The following NTRK2 variants were observed in gnomAD, a reference collection of about 807,000 sequenced individuals.
NTRK2 encodes neurotrophic receptor tyrosine kinase 2.
Under a neutral mutation model 94.5 loss-of-function variants are expected in NTRK2, and 13 were observed. The ratio of observed to expected loss-of-function variants is 0.14; its 90% CI spans 0.09 to 0.22. The LOEUF is 0.22. NTRK2 is among the 10% of genes least tolerant of loss of function. The probability of loss-of-function intolerance (pLI) is 1.00; values close to 1 mark genes in which losing one functional copy is unlikely to be tolerated. For missense variants in NTRK2, 639 were observed against 1,071.2 expected (o/e 0.60, Z 5.63); for synonymous variants, 372 against 407.4 (o/e 0.91, Z 1.05).
At chr9:84,937,775 G>T (rs757250824) in intron 15 of NTRK2, among the ~76,000 whole-genome samples, 1 of 152,176 alleles carries the variant, frequency 6.6e-6, no homozygotes, top group Admixed American at 6.5e-5. Flanking sequence ...CCAAGGAAAC[G>T]CTTCATCGCA....
chr9:84,950,778 T>C (rs968066930), intron 16 of NTRK2, among the ~76,000 whole-genome samples: 2 of 152,206 alleles, frequency 1.3e-5, no homozygotes, highest in African/African-American at 4.8e-5. Flanking sequence ...GTGTGCATTG[T>C]TGGACTGAGA....
In NTRK2 at chr9:84,869,809, T is replaced by G. The variant is rs1191775309; in HGVS notation, c.1633+2378T>G. ...TCTAGCAGATATGTAACAAGAAAGA[T>G]GACTCATAATCATTTTCATTGGTTT... is the stretch of plus-strand genomic sequence containing the variant. On this transcript the variant is annotated intron_variant, in intron 14 of 18. Transcript: ENST00000277120. 2.6e-5 allele frequency among the ~76,000 whole-genome samples: 4 copies of G among 152,274 alleles called. No homozygotes were observed. In the East Asian group the frequency reaches 7.7e-4, roughly 29 times the overall value.
intron 14 of NTRK2, among the ~76,000 whole-genome samples, chr9:84,896,745 G>C (rs904379904): frequency 3.3e-5 from 5 of 152,198 alleles, no homozygotes; most frequent in African/African-American, 1.2e-4. Flanking sequence ...CTTTAATAGT[G>C]AGATATTCTA....
intron 15 of NTRK2, among the ~76,000 whole-genome samples, chr9:84,940,075 T>G (rs552351192): frequency 6.6e-6 from 1 of 152,282 alleles, no homozygotes; most frequent in Non-Finnish European, 1.5e-5. Context: ...AATGGAATAT[T>G]CTGATTATCC....
chr9:84,730,963 A>C (rs1268276269), intron 9 of NTRK2, among the ~76,000 whole-genome samples: 1 of 151,954 alleles, frequency 6.6e-6, no homozygotes, highest in East Asian at 1.9e-4. Flanking sequence ...ACTTTCTCCC[A>C]GTTGTTTTGG....
intron 12 of NTRK2, among the ~76,000 whole-genome samples, chr9:84,790,487 G>A (rs1480460324): frequency 3.9e-5 from 6 of 152,148 alleles, no homozygotes; most frequent in South Asian, 2.1e-4. Flanking sequence ...CTGAATAGAC[G>A]AACATAAAAG....
intron 17 of NTRK2, among the ~76,000 whole-genome samples, chr9:84,979,809 C>A (rs746446194): frequency 2.0e-5 from 3 of 152,204 alleles, no homozygotes; most frequent in Non-Finnish European, 4.4e-5. Context: ...AACCACCTGA[C>A]CAATCAGGAG....
intron 17 of NTRK2, among the ~76,000 whole-genome samples, chr9:85,002,931 G>A (rs1283287926): frequency 6.6e-6 from 1 of 152,180 alleles, no homozygotes; most frequent in Admixed American, 6.5e-5. Flanking sequence ...GGTCAGGCCA[G>A]GCTAGGAGGT....
intron 2 of NTRK2, among the ~76,000 whole-genome samples, chr9:84,689,293 T>C (rs1485553646): frequency 1.3e-5 from 2 of 152,264 alleles, no homozygotes; most frequent in Non-Finnish European, 2.9e-5. Flanking sequence ...CCCTTTGGCT[T>C]GTCTGTGCAT....
intron 17 of NTRK2, 76 bp downstream of exon 17, chr9:84,955,593 C>G: frequency 8.3e-7 from 1 of 1,205,258 alleles, no homozygotes; most frequent in Middle Eastern, 1.9e-4. Flanking sequence ...TTTGCTGAGG[C>G]TGTCATAACA....
intron 12 of NTRK2, among the ~76,000 whole-genome samples, chr9:84,786,878 C>T (rs561552401): frequency 3.9e-5 from 6 of 152,224 alleles, no homozygotes; most frequent in African/African-American, 7.2e-5. Flanking sequence ...AATCCACTCT[C>T]GATTTTCATC....
At chr9:84,859,969 G>T (rs1339180810) in intron 12 of NTRK2, among the ~76,000 whole-genome samples, 2 of 152,126 alleles carry the variant, frequency 1.3e-5, no homozygotes, top group Non-Finnish European at 2.9e-5. Context: ...AGAAGTTGGG[G>T]GGCTGAAGTT....
chr9:84,679,808 T>G (rs1372678727), intron 2 of NTRK2, among the ~76,000 whole-genome samples: 1 of 152,248 alleles, frequency 6.6e-6, no homozygotes, highest in Non-Finnish European at 1.5e-5. Context: ...AGGTTTTCTT[T>G]AAGTCCAGCT....
chr9:84,965,723 A>C (rs1201288634), intron 17 of NTRK2, among the ~76,000 whole-genome samples: 1 of 152,180 alleles, frequency 6.6e-6, no homozygotes, highest in Non-Finnish European at 1.5e-5. Flanking sequence ...GCTTCCAAGA[A>C]AGATTCTATA....
At chr9:84,957,577 G>A (rs1824302156) in intron 17 of NTRK2, among the ~76,000 whole-genome samples, 1 of 152,174 alleles carries the variant, frequency 6.6e-6, no homozygotes, top group Non-Finnish European at 1.5e-5. Flanking sequence ...CACCCCCTGA[G>A]ATGACTACAA....
chr9:84,732,569 C>A (rs73651112), intron 9 of NTRK2, among the ~76,000 whole-genome samples: 8,789 of 152,258 alleles, frequency 0.058, 341 homozygotes, highest in African/African-American at 0.1. Flanking sequence ...CAGATAGAAT[C>A]TCAATTGAGA....
Position 85,021,636 on chromosome 9 carries a change from C to T in NTRK2, c.*199C>T. 1 of 621,334 alleles carries T rather than the reference C, an allele frequency of 1.6e-6. No homozygotes were observed. The highest frequency in any genetic ancestry group is 2.9e-6 in the Non-Finnish European group (1 of 346,010). 38.5% of individuals were successfully genotyped at this position (621,334 alleles called of 1,614,324 possible). On this transcript the variant is annotated 3_prime_UTR_variant, in exon 19 of 19. Coordinates refer to ENST00000277120, the MANE Select transcript of NTRK2 (RefSeq NM_006180.6). ...AGACACAGTATTGACTTCTTTTTGG[C>T]ATTATCTCTTTCTCTCTTTCCATCT...
chr9:84,967,309 G>A (rs1825672598), intron 17 of NTRK2, among the ~76,000 whole-genome samples: 1 of 152,210 alleles, frequency 6.6e-6, no homozygotes, highest in South Asian at 2.1e-4. Context: ...CTCCCAGGCT[G>A]GTGGTCTAGG....
intron 12 of NTRK2, among the ~76,000 whole-genome samples, chr9:84,803,502 G>A (rs1423864988): frequency 6.6e-6 from 1 of 152,186 alleles, no homozygotes; most frequent in Non-Finnish European, 1.5e-5. Flanking sequence ...ACTTGTGGGG[G>A]TGGGCAGTGA....
Sources: allele counts gnomAD v4.1 joint callset (sites outside exome capture counted in the v4.1 genomes callset), GRCh38; gene constraint gnomAD v4.1.1; transcripts MANE v1.5; gene names NCBI Gene and HGNC (gene_info 2026-07-23, HGNC 2026-07-21).